The following RNF157 variants were observed in gnomAD, a reference collection of about 807,000 sequenced individuals.
RNF157 encodes ring finger protein 157.
In RNF157, 55 loss-of-function variants were observed where a neutral mutation model predicts 88.3. That is an observed-to-expected ratio of 0.62 (90% CI 0.50 to 0.78). RNF157 has a LOEUF of 0.78. Ranked by LOEUF, RNF157 falls within the 30% of genes least tolerant of loss-of-function variation. The pLI is 0.00. For synonymous variants in RNF157, 334 were observed against 341.2 expected (o/e 0.98, Z 0.23); for missense variants, 788 against 860.8 (o/e 0.92, Z 1.06).
At chr17:76,233,606 T>C (rs1386601443) in intron 1 of RNF157, among the ~76,000 whole-genome samples, 1 of 152,204 alleles carries the variant, frequency 6.6e-6, no homozygotes, top group Non-Finnish European at 1.5e-5. Flanking sequence ...GGCACAATCA[T>C]AGCTCACTGC....
intron 2 of RNF157, among the ~76,000 whole-genome samples, chr17:76,198,849 T>A (rs2069522339): frequency 6.6e-6 from 1 of 152,188 alleles, no homozygotes; most frequent in Admixed American, 6.5e-5. Context: ...CAGTCTTATC[T>A]CTTGCAAAGT....
At chr17:76,232,314 G>A (rs1419480208) in intron 1 of RNF157, among the ~76,000 whole-genome samples, 1 of 152,022 alleles carries the variant, frequency 6.6e-6, no homozygotes, top group Non-Finnish European at 1.5e-5. Flanking sequence ...CCTGAGCCCA[G>A]TAGGTCGACG....
intron 1 of RNF157, among the ~76,000 whole-genome samples, chr17:76,213,527 A>G (rs1389163364): frequency 2.0e-5 from 3 of 147,078 alleles, no homozygotes; most frequent in Non-Finnish European, 3.0e-5. Flanking sequence ...CCAAGATCAC[A>G]CCACTACACT....
At chr17:76,230,437 T>TCAAG (rs971299790) in intron 1 of RNF157, among the ~76,000 whole-genome samples, 4 of 152,088 alleles carry the variant, frequency 2.6e-5, no homozygotes, top group African/African-American at 9.7e-5. Context: ...GCATCCTGAG[T>TCAAG]CAAGACCTTA....
At chr17:76,151,906 TTCCTCTCTGATC>T (rs1197428785) in intron 18 of RNF157, among the ~76,000 whole-genome samples, 3 of 152,226 alleles carry the variant, frequency 2.0e-5, no homozygotes, top group Admixed American at 2.0e-4. Context: ...GGCTTTCACA[TTCCTCTCTGATC>T]CTAGCTGAAA....
chr17:76,173,285 C>CA (rs764689805), intron 3 of RNF157, among the ~76,000 whole-genome samples: 3,600 of 129,186 alleles, frequency 0.028, 56 homozygotes, highest in Middle Eastern at 0.067. Flanking sequence ...GACTCCGTCT[C>CA]AAAAAAAAAA....
rs769037051 is a variant in RNF157, at chr17:76,161,649, T to C, written c.953-2A>G. On this transcript the variant is annotated splice_acceptor_variant, in intron 10 of 18. Coordinates refer to ENST00000269391, the MANE Select transcript of RNF157 (RefSeq NM_052916.3). LOFTEE classifies it high-confidence loss of function. This position sits in a 1 kb window ranked among gnomAD's most constrained non-coding sequence, Gnocchi z 4.6. ...GGATCTGAAGCAGTGCCCGGAAGGCTGTGAAGGAGAAAACAGGCAATCAGG... is the reference window on the plus strand; with the variant it reads ...GGATCTGAAGCAGTGCCCGGAAGGCCGTGAAGGAGAAAACAGGCAATCAGG... The C allele has an allele frequency of 6.2e-7, 1 of 1,612,514 alleles. No homozygotes were observed. Among genetic ancestry groups the C allele is most frequent in the Non-Finnish European group, 8.5e-7 (1 of 1,179,048 alleles).
chr17:76,178,827 T>C (rs1294579439), intron 2 of RNF157, among the ~76,000 whole-genome samples: 1 of 151,030 alleles, frequency 6.6e-6, no homozygotes, highest in African/African-American at 2.4e-5. Flanking sequence ...TTTTCTCTCT[T>C]TTTTTTTTCC....
rs780396505 is a variant in RNF157 at position 76,157,940 on chromosome 17, C to A, written c.1413+453G>T. ...TGTTCCCAGACCTAGGGCCCTCTCTCCTCGTATATCTGCATAGCTAGCTCT... is the reference window on the plus strand; with the variant it reads ...TGTTCCCAGACCTAGGGCCCTCTCTACTCGTATATCTGCATAGCTAGCTCT... On this transcript the variant is annotated intron_variant, in intron 13 of 18. Transcript: ENST00000269391. This position sits in a 1 kb window ranked among gnomAD's most constrained non-coding sequence, Gnocchi z 5.6. Among the ~76,000 whole-genome samples, 65 of 152,162 alleles carry A rather than the reference C, an allele frequency of 4.3e-4. No homozygotes were observed. The highest frequency in any genetic ancestry group is 7.8e-4 in the Non-Finnish European group (53 of 68,002).
At position 76,230,139 on chromosome 17, in the gene RNF157, G is replaced by A. The variant is rs374623424; in HGVS notation, c.88+10014C>T. Among the ~76,000 whole-genome samples, 6 of 152,308 alleles carry A rather than the reference G, an allele frequency of 3.9e-5. No homozygotes were observed. The East Asian group carries it at 1.2e-3, about 29-fold the overall frequency. On this transcript the variant is annotated intron_variant, in intron 1 of 18. Transcript: ENST00000269391. ...GGGCAAAGACAGCAAACTGGATCAT[G>A]GGAGTCAAAATGATCATAATGTGAG...
chr17:76,154,178 T>A, intron 17 of RNF157, 105 bp downstream of exon 17: 1 of 820,262 alleles, frequency 1.2e-6, no homozygotes, highest in Non-Finnish European at 2.1e-6. Flanking sequence ...CCCATACAAC[T>A]GAGCAGCGCC....
chr17:76,166,344 A>G lies in RNF157; in HGVS notation c.628+117T>C, dbSNP rs960723409. ...TGTGAGAGGATGCAGAGACTGCCTG[A>G]CTCACAGTCACAAACACCCACAAAG... On this transcript the variant is annotated intron_variant, in intron 6 of 18. Transcript: ENST00000269391. 41 of 824,896 alleles carry G rather than the reference A, an allele frequency of 5.0e-5. No individual in the cohort carries two copies. The African/African-American group carries it at 6.1e-4, about 12-fold the overall frequency. The allele number at this position is 824,896 out of a possible 1,614,324, so 51.1% of individuals were successfully genotyped here.
At chr17:76,205,454 C>T (rs1186021482) in intron 2 of RNF157, among the ~76,000 whole-genome samples, 1 of 152,026 alleles carries the variant, frequency 6.6e-6, no homozygotes, top group Non-Finnish European at 1.5e-5. Context: ...TAAAATAATG[C>T]CAGCGGCTGA....
intron 1 of RNF157, among the ~76,000 whole-genome samples, chr17:76,216,078 C>T (rs1410464446): frequency 6.6e-6 from 1 of 152,080 alleles, no homozygotes; most frequent in East Asian, 1.9e-4. Flanking sequence ...ATACATTTAT[C>T]ATATATTAGG....
chr17:76,178,059 T>C (rs1362506347), intron 2 of RNF157, among the ~76,000 whole-genome samples: 1 of 152,248 alleles, frequency 6.6e-6, no homozygotes, highest in Non-Finnish European at 1.5e-5. Context: ...GTGTATCTCA[T>C]TCTTCCTTGT....
At chr17:76,184,959 C>T (rs559054158) in intron 2 of RNF157, among the ~76,000 whole-genome samples, 6 of 152,296 alleles carry the variant, frequency 3.9e-5, no homozygotes, top group African/African-American at 1.2e-4. Context: ...TAAGCAATTG[C>T]ACAGTTAAGC....
At chr17:76,187,604 T>C (rs1258145644) in intron 2 of RNF157, among the ~76,000 whole-genome samples, 2 of 151,920 alleles carry the variant, frequency 1.3e-5, no homozygotes, top group Admixed American at 6.6e-5. Flanking sequence ...ATTTATTTAT[T>C]TTTTTCTGAG....
chr17:76,221,794 T>C (rs1043119061), intron 1 of RNF157, among the ~76,000 whole-genome samples: 2 of 152,186 alleles, frequency 1.3e-5, no homozygotes, highest in Non-Finnish European at 1.5e-5. Flanking sequence ...TGAGGTATAA[T>C]GTGTCCGACA....
intron 1 of RNF157, among the ~76,000 whole-genome samples, chr17:76,223,103 G>C (rs1397997854): frequency 6.6e-6 from 1 of 150,904 alleles, no homozygotes; most frequent in African/African-American, 2.4e-5. Context: ...TGTTAGCCAG[G>C]ATGGTTTTGA....
Sources: allele counts gnomAD v4.1 joint callset (sites outside exome capture counted in the v4.1 genomes callset), GRCh38; gene constraint gnomAD v4.1.1; non-coding constraint Gnocchi (gnomAD v3.1); transcripts MANE v1.5; gene names NCBI Gene and HGNC (gene_info 2026-07-23, HGNC 2026-07-21).